The following HBS1L variants were observed in gnomAD, a reference collection of about 807,000 sequenced individuals.
The protein encoded by HBS1L is HBS1 like translational GTPase, also known as HBS1-like protein.
Under a neutral mutation model 88.9 loss-of-function variants are expected in HBS1L, and 55 were observed. The observed-to-expected ratio is 0.62, with a 90% CI of 0.50 to 0.77. The LOEUF (loss-of-function observed/expected upper bound fraction) is 0.77, where lower values mean the gene tolerates loss of function less well. HBS1L is among the 30% of genes least tolerant of loss of function. The pLI is 0.00. For synonymous variants in HBS1L, 267 were observed against 288.5 expected, an observed-to-expected ratio of 0.93 and a Z score of 0.76; for missense variants, 741 against 829.3, an observed-to-expected ratio of 0.89 and a Z score of 1.31.
intron 4 of HBS1L, among the ~76,000 whole-genome samples, chr6:135,008,707 G>A (rs1024274637): frequency 6.6e-6 from 1 of 151,778 alleles, no homozygotes; most frequent in African/African-American, 2.4e-5. Context: ...ATACAGACTC[G>A]CTGAATTTAA....
At chr6:134,995,665 C>T (rs912601069) in intron 7 of HBS1L, among the ~76,000 whole-genome samples, 5 of 151,608 alleles carry the variant, frequency 3.3e-5, no homozygotes, top group African/African-American at 1.2e-4. Context: ...TAAAAAGCCA[C>T]ATACTTTAGT....
intron 16 of HBS1L, among the ~76,000 whole-genome samples, chr6:134,967,928 C>T (rs543655510): frequency 6.6e-6 from 1 of 152,266 alleles, no homozygotes; most frequent in African/African-American, 2.4e-5. Flanking sequence ...TTATAGCAAA[C>T]ACTCATGCCA....
intron 5 of HBS1L, among the ~76,000 whole-genome samples, chr6:135,002,460 A>G (rs1775489180): frequency 6.6e-6 from 1 of 152,160 alleles, no homozygotes; most frequent in Admixed American, 6.6e-5. Context: ...AGGTTTCACA[A>G]AATCATAGGG....
chr6:134,991,064 TACAC>T (rs60490013), intron 8 of HBS1L, among the ~76,000 whole-genome samples: 2 of 148,948 alleles, frequency 1.3e-5, no homozygotes, highest in Non-Finnish European at 1.5e-5. Context: ...CTCACAGACA[TACAC>T]ACACACACAC....
In HBS1L at chr6:135,036,267, G is replaced by A. The variant is rs552678451; in HGVS notation, c.430+3306C>T. The stretch of plus-strand genomic sequence containing the variant: ...TTCATTATAAAAAACATAGAAAGTT[G>A]AATGCTTCAAACAAAAATATATGAG... On this transcript the variant is annotated intron_variant, in intron 4 of 17. Transcript: ENST00000367837. The A allele has an allele frequency of 4.1e-5, 40 of 984,072 alleles. No homozygotes were observed. The African/African-American group carries it at 4.7e-4, about 11-fold the overall frequency. 61.0% of individuals were successfully genotyped at this position (984,072 alleles called of 1,614,324 possible).
intron 15 of HBS1L, among the ~76,000 whole-genome samples, chr6:134,970,109 T>C (rs1774438992): frequency 5.3e-5 from 8 of 152,192 alleles, no homozygotes; most frequent in South Asian, 2.1e-4. Context: ...AAGTCACCTC[T>C]AGTTGTGTGA....
chr6:134,998,176 CAACA>C (rs1775344843), intron 5 of HBS1L, among the ~76,000 whole-genome samples: 1 of 152,126 alleles, frequency 6.6e-6, no homozygotes, highest in Non-Finnish European at 1.5e-5. Flanking sequence ...TTCATTAATT[CAACA>C]AACACTTGAT....
At chr6:134,998,945 A>G (rs1348324170) in intron 5 of HBS1L, among the ~76,000 whole-genome samples, 1 of 152,226 alleles carries the variant, frequency 6.6e-6, no homozygotes, top group Non-Finnish European at 1.5e-5. Flanking sequence ...ATACTTTTAA[A>G]GGATTCTAAC....
intron 4 of HBS1L, among the ~76,000 whole-genome samples, chr6:135,006,810 G>A (rs1775626286): frequency 6.6e-6 from 1 of 152,098 alleles, no homozygotes; most frequent in Non-Finnish European, 1.5e-5. Flanking sequence ...GATGGGGTGT[G>A]CGTATGTGCA....
chr6:135,018,514 T>C (rs1775984615), intron 4 of HBS1L, among the ~76,000 whole-genome samples: 2 of 151,988 alleles, frequency 1.3e-5, no homozygotes, highest in African/African-American at 2.4e-5. Flanking sequence ...ACATATTACA[T>C]TGGATTATAT....
At chr6:134,966,534 C>G in intron 16 of HBS1L, 61 bp from the exon 17 acceptor site, 1 of 1,113,676 alleles carries the variant, frequency 9.0e-7, no homozygotes, top group Non-Finnish European at 1.2e-6. Flanking sequence ...GTAATAATAA[C>G]AACTTGAAAA....
intron 8 of HBS1L, among the ~76,000 whole-genome samples, chr6:134,988,271 G>A (rs1320234463): frequency 6.6e-6 from 1 of 152,044 alleles, no homozygotes; most frequent in East Asian, 1.9e-4. Flanking sequence ...GCTAAGGTAT[G>A]AGGATCACTA....
chr6:134,989,709 C>A (rs1775078460), intron 8 of HBS1L, among the ~76,000 whole-genome samples: 1 of 152,188 alleles, frequency 6.6e-6, no homozygotes, highest in Non-Finnish European at 1.5e-5. Flanking sequence ...TTTACTCGTA[C>A]CTAAATACTC....
chr6:134,971,879 T>C (rs1461977938), intron 15 of HBS1L, among the ~76,000 whole-genome samples: 2 of 152,278 alleles, frequency 1.3e-5, no homozygotes, highest in East Asian at 1.9e-4. Context: ...CAATCACTTA[T>C]CTGCAATTCC....
chr6:135,011,239 C>T (rs939551946), intron 4 of HBS1L, among the ~76,000 whole-genome samples: 4 of 152,104 alleles, frequency 2.6e-5, no homozygotes, highest in Admixed American at 6.5e-5. Context: ...CCTGACTAGG[C>T]GCAGGGGCTC....
chr6:134,978,629 G>C, intron 15 of HBS1L, 50 bp downstream of exon 15: 1 of 1,022,376 alleles, frequency 9.8e-7, no homozygotes, highest in Admixed American at 2.3e-5. Context: ...TTAGGATAAA[G>C]TTACTTTGAA....
At chr6:135,041,358 TTTTA>T (rs377297773) in intron 3 of HBS1L, among the ~76,000 whole-genome samples, 1,731 of 151,522 alleles carry the variant, frequency 0.011, 20 homozygotes, top group South Asian at 0.032. Context: ...GCCTCCTCTT[TTTTA>T]TTTATTTATT....
chr6:135,050,098 T>C (rs1466752986), intron 2 of HBS1L, among the ~76,000 whole-genome samples: 1 of 152,242 alleles, frequency 6.6e-6, no homozygotes, highest in East Asian at 1.9e-4. Context: ...TACAGAAATA[T>C]GAATGCCAAA....
chr6:134,966,546 C>CA, intron 16 of HBS1L, 73 bp from the exon 17 acceptor site: 1 of 1,009,214 alleles, frequency 9.9e-7, no homozygotes, highest in Non-Finnish European at 1.4e-6. Context: ...ACTTGAAAAA[C>CA]AAATATTTCA....
Sources: gnomAD v4.1 joint callset for allele counts (sites outside exome capture counted in the v4.1 genomes callset) on GRCh38, gnomAD v4.1.1 for gene constraint, MANE v1.5 for transcripts, NCBI Gene and HGNC (gene_info 2026-07-23, HGNC 2026-07-21) for gene names.